STK3: variants seen among roughly 807,000 people sequenced by gnomAD.
STK3 encodes serine/threonine-protein kinase 3.
In STK3, 41 loss-of-function variants were observed where a neutral mutation model predicts 58.0. The ratio of observed to expected loss-of-function variants is 0.71; its 90% CI spans 0.55 to 0.92. The LOEUF is 0.92. Ranked by LOEUF, STK3 falls within the 40% of genes least tolerant of loss-of-function variation. The pLI is 0.00. For synonymous variants in STK3, 170 were observed against 191.0 expected (o/e 0.89, Z 0.91); for missense variants, 479 against 602.7 (o/e 0.79, Z 2.15).
intron 6 of STK3, chr8:98,598,915 A>G: frequency 1.0e-6 from 1 of 985,166 alleles, no homozygotes; most frequent in African/African-American, 1.7e-5. Flanking sequence ...GTGCTTCAAA[A>G]CAACTAATTA....
intron 6 of STK3, among the ~76,000 whole-genome samples, chr8:98,621,074 C>T (rs1022876978): frequency 6.0e-5 from 9 of 151,166 alleles, no homozygotes; most frequent in South Asian, 2.1e-4. Flanking sequence ...GGACTACAGG[C>T]GCCCGCCACT....
At chr8:98,477,926 C>A (rs1418689308) in intron 10 of STK3, among the ~76,000 whole-genome samples, 1 of 152,080 alleles carries the variant, frequency 6.6e-6, no homozygotes, top group Non-Finnish European at 1.5e-5. Flanking sequence ...ATGCCAGTAG[C>A]TTTCCCCAAG....
At chr8:98,882,216 G>T (rs1358772804), downstream of STK3, 1 of 151,906 alleles carries the variant, frequency 6.6e-6, no homozygotes, top group Non-Finnish European at 1.5e-5. Flanking sequence ...TCTGCTTTGG[G>T]TGTTTATAGT....
At chr8:98,445,256 A>G (rs1469121955) in intron 1 of STK3, among the ~76,000 whole-genome samples, 4 of 152,178 alleles carry the variant, frequency 2.6e-5, no homozygotes, top group Non-Finnish European at 4.4e-5. Flanking sequence ...ATGGATATAC[A>G]TTTCATTTAT....
the STK3 span, among the ~76,000 whole-genome samples, chr8:98,359,533 A>AG: frequency 3.4e-4 from 48 of 142,388 alleles, no homozygotes; most frequent in African/African-American, 4.2e-4. Flanking sequence ...AAAAAAAAAA[A>AG]AAAGAAAGAA....
chr8:98,743,715 A>G (rs1393721944), intron 4 of STK3, among the ~76,000 whole-genome samples: 3 of 152,100 alleles, frequency 2.0e-5, no homozygotes, highest in Non-Finnish European at 2.9e-5. Flanking sequence ...CAATGGCAAC[A>G]AAAGCCAAAA....
intron 10 of STK3, among the ~76,000 whole-genome samples, chr8:98,514,315 G>A (rs1824757690): frequency 6.6e-6 from 1 of 152,058 alleles, no homozygotes; most frequent in Non-Finnish European, 1.5e-5. Flanking sequence ...CAAAGGCATA[G>A]TTAAGAGTCA....
At chr8:98,856,324 A>C (rs2131840970) in intron 3 of STK3, among the ~76,000 whole-genome samples, 1 of 151,822 alleles carries the variant, frequency 6.6e-6, no homozygotes, top group South Asian at 2.1e-4. Flanking sequence ...CCATCTCAAA[A>C]AAAAAAAAAA....
At chr8:98,906,604 A>G (rs1838912388) in intron 1 of STK3, 1 of 152,252 alleles carries the variant, frequency 6.6e-6, no homozygotes, top group African/African-American at 2.4e-5. Flanking sequence ...TTCTTACAAT[A>G]TTTAACTTGG....
At chr8:98,622,381 GGAT>G (rs1429642195) in intron 6 of STK3, among the ~76,000 whole-genome samples, 1 of 151,992 alleles carries the variant, frequency 6.6e-6, no homozygotes, top group East Asian at 1.9e-4. Context: ...ATAAACATAA[GGAT>G]GTATATTACA....
chr8:98,610,936 A>G (rs1238973317), intron 6 of STK3, among the ~76,000 whole-genome samples: 2 of 152,256 alleles, frequency 1.3e-5, no homozygotes, highest in Non-Finnish European at 2.9e-5. Context: ...AAAGTTAATC[A>G]AGTAATCAAA....
chr8:98,480,915 T>A (rs908290716), intron 10 of STK3, among the ~76,000 whole-genome samples: 12 of 152,246 alleles, frequency 7.9e-5, no homozygotes, highest in African/African-American at 2.9e-4. Context: ...TTGTTGAATC[T>A]AAGTAGTAAA....
intron 4 of STK3, among the ~76,000 whole-genome samples, chr8:98,748,501 A>G (rs934123650): frequency 1.3e-5 from 2 of 152,084 alleles, no homozygotes; most frequent in African/African-American, 4.8e-5. Context: ...GTTAACTACA[A>G]ATTGACTGAA....
At chr8:98,709,854 G>A (rs1209173335) in intron 4 of STK3, among the ~76,000 whole-genome samples, 2 of 152,054 alleles carry the variant, frequency 1.3e-5, no homozygotes, top group Non-Finnish European at 1.5e-5. Flanking sequence ...AAGACTGAAA[G>A]CTTTTCCACA....
At chr8:98,372,452 G>A (rs1013417519) in intron 2 of STK3, among the ~76,000 whole-genome samples, 5 of 152,112 alleles carry the variant, frequency 3.3e-5, no homozygotes, top group African/African-American at 1.2e-4. Flanking sequence ...AGACGACGCA[G>A]ACTTCAGCTC....
chr8:98,397,004 G>A (rs967145017), downstream of STK3, among the ~76,000 whole-genome samples: 1 of 152,156 alleles, frequency 6.6e-6, no homozygotes, highest in Admixed American at 6.5e-5. Context: ...AGGAAACTAA[G>A]GCCCAAGGAG....
chr8:98,574,067 T>C (rs1384167617), intron 8 of STK3, among the ~76,000 whole-genome samples: 2 of 151,982 alleles, frequency 1.3e-5, no homozygotes, highest in East Asian at 1.9e-4. Context: ...ATGGGGATTA[T>C]GGGAACTATA....
chr8:98,427,735 C>G, intron 3 of STK3: 1 of 409,228 alleles, frequency 2.4e-6, no homozygotes, highest in South Asian at 6.2e-5. Context: ...ACCGAGACCC[C>G]TGGGGTGGAG....
intron 10 of STK3, among the ~76,000 whole-genome samples, chr8:98,510,946 A>G (rs1379665185): frequency 6.6e-6 from 1 of 152,152 alleles, no homozygotes; most frequent in Admixed American, 6.6e-5. Context: ...GAAGTCACTG[A>G]AAATACTTTT....
Sources: allele counts gnomAD v4.1 joint callset (sites outside exome capture counted in the v4.1 genomes callset), GRCh38; gene constraint gnomAD v4.1.1; transcripts MANE v1.5; gene names NCBI Gene and HGNC (gene_info 2026-07-23, HGNC 2026-07-21).